PTPRN2: variants seen among roughly 807,000 people sequenced by gnomAD.
PTPRN2 encodes the protein protein tyrosine phosphatase receptor type N2, also known as receptor-type tyrosine-protein phosphatase N2.
A neutral mutation model predicts 118.8 loss-of-function variants in PTPRN2; 74 were observed. The observed-to-expected ratio is 0.62, with a 90% CI of 0.52 to 0.76. The LOEUF (loss-of-function observed/expected upper bound fraction) is 0.76. PTPRN2 is among the 30% of genes least tolerant of loss of function. PTPRN2 has a pLI of 0.00. For synonymous variants in PTPRN2, 641 were observed against 608.0 expected, an observed-to-expected ratio of 1.05 and a Z score of -0.80; for missense variants, 1,481 against 1,394.4, an observed-to-expected ratio of 1.06 and a Z score of -0.99.
intron 6 of PTPRN2, among the ~76,000 whole-genome samples, chr7:158,159,147 A>G (rs1822130200): frequency 8.0e-6 from 1 of 125,454 alleles, no homozygotes; most frequent in Middle Eastern, 3.7e-3. Flanking sequence ...TTCTGAATGA[A>G]TGAGTGAACT....
chr7:157,661,063 G>T (rs1349270355), intron 13 of PTPRN2, among the ~76,000 whole-genome samples: 2 of 152,248 alleles, frequency 1.3e-5, no homozygotes, highest in African/African-American at 4.8e-5. Context: ...CAAAGTCGCA[G>T]AATTTAGAGC....
chr7:158,366,712 C>T (rs889934861), intron 2 of PTPRN2, among the ~76,000 whole-genome samples: 3 of 152,118 alleles, frequency 2.0e-5, no homozygotes, highest in South Asian at 4.1e-4. Context: ...AGGACATTTT[C>T]AATTTCTGAA....
chr7:157,951,203 G>C (rs754701373), intron 11 of PTPRN2, among the ~76,000 whole-genome samples: 1 of 152,024 alleles, frequency 6.6e-6, no homozygotes. Context: ...ACTCTAATAC[G>C]GTTCAGAGAA....
At chr7:157,957,093 C>T (rs1263451186) in intron 11 of PTPRN2, among the ~76,000 whole-genome samples, 3 of 152,208 alleles carry the variant, frequency 2.0e-5, no homozygotes, top group Non-Finnish European at 4.4e-5. Flanking sequence ...ACCTCCATGG[C>T]TCAGAGAGGT....
intron 15 of PTPRN2, 103 bp downstream of exon 15, chr7:157,621,259 C>T (rs75517714): frequency 0.028 from 13,585 of 478,878 alleles, 107 homozygotes; most frequent in Non-Finnish European, 0.033. Flanking sequence ...TTCCTCCGCC[C>T]GGAACCCTGG....
intron 5 of PTPRN2, among the ~76,000 whole-genome samples, chr7:158,188,333 T>C (rs369142916): frequency 8.9e-4 from 21 of 23,624 alleles, no homozygotes; most frequent in East Asian, 1.4e-3. Flanking sequence ...GCTCGCCCCC[T>C]GATGGGGAAG....
chr7:157,738,458 C>T (rs1253266463), intron 12 of PTPRN2, among the ~76,000 whole-genome samples: 3 of 152,188 alleles, frequency 2.0e-5, no homozygotes, highest in Non-Finnish European at 4.4e-5. Context: ...CCTCTGGAGG[C>T]TCCTCTCTGA....
chr7:158,243,885 A>G (rs1169206350), intron 3 of PTPRN2, among the ~76,000 whole-genome samples: 2 of 152,150 alleles, frequency 1.3e-5, no homozygotes, highest in Admixed American at 6.5e-5. Flanking sequence ...ACAAAGTACT[A>G]TTAATGATAA....
intron 2 of PTPRN2, among the ~76,000 whole-genome samples, chr7:158,410,113 G>A (rs1375714278): frequency 4.6e-5 from 7 of 152,250 alleles, no homozygotes; most frequent in African/African-American, 1.7e-4. Context: ...GACCTCCACA[G>A]TCTCTGGCCA....
chr7:158,126,841 C>G (rs1046705016), intron 9 of PTPRN2, among the ~76,000 whole-genome samples: 1 of 152,188 alleles, frequency 6.6e-6, no homozygotes, highest in Admixed American at 6.5e-5. Flanking sequence ...GAGACCGAAG[C>G]CCCCACCTCC....
chr7:158,582,047 G>GA (rs1449483214), intron 1 of PTPRN2, among the ~76,000 whole-genome samples: 1 of 152,076 alleles, frequency 6.6e-6, no homozygotes, highest in Admixed American at 6.5e-5. Flanking sequence ...GGAATTAAAA[G>GA]AAAAAAATGC....
At chr7:158,119,877 G>T (rs1817016273) in intron 9 of PTPRN2, among the ~76,000 whole-genome samples, 1 of 152,104 alleles carries the variant, frequency 6.6e-6, no homozygotes, top group South Asian at 2.1e-4. Context: ...ATTGAAAACA[G>T]GGTCTCAAAG....
intron 12 of PTPRN2, among the ~76,000 whole-genome samples, chr7:157,810,137 C>A (rs1207091516): frequency 6.6e-6 from 1 of 152,258 alleles, no homozygotes; most frequent in Non-Finnish European, 1.5e-5. Context: ...TTCTGCGGAG[C>A]CATGTGAGGG....
chr7:157,956,533 G>A (rs1243290489), intron 11 of PTPRN2, among the ~76,000 whole-genome samples: 1 of 152,256 alleles, frequency 6.6e-6, no homozygotes, highest in Non-Finnish European at 1.5e-5. Flanking sequence ...GCTATCCCTA[G>A]CCCTCTTTGG....
At chr7:157,851,446 C>T (rs761286893) in intron 12 of PTPRN2, among the ~76,000 whole-genome samples, 3 of 152,222 alleles carry the variant, frequency 2.0e-5, no homozygotes, top group Non-Finnish European at 4.4e-5. Flanking sequence ...CCCTCCCTGT[C>T]ATCTCCTGGT....
intron 11 of PTPRN2, among the ~76,000 whole-genome samples, chr7:158,074,045 G>T (rs547703625): frequency 6.6e-6 from 1 of 152,202 alleles, no homozygotes; most frequent in Non-Finnish European, 1.5e-5. Context: ...CCATCCTGCC[G>T]TCCTCCCGTC....
intron 3 of PTPRN2, among the ~76,000 whole-genome samples, chr7:158,259,855 T>C (rs1269959178): frequency 1.3e-5 from 2 of 150,326 alleles, no homozygotes; most frequent in Non-Finnish European, 2.9e-5. Context: ...TGTCCATGTG[T>C]CCCTGGTGTA....
Position 157,610,191 on chromosome 7 carries a change from C to G in PTPRN2, c.2345-6116G>C, listed in dbSNP as rs1802248409. 1.3e-5 allele frequency among the ~76,000 whole-genome samples: 2 copies of G among 152,202 alleles called. No homozygotes were observed. Among genetic ancestry groups the G allele is most frequent in the African/African-American group, 4.8e-5 (2 of 41,452 alleles). On this transcript the variant is annotated intron_variant, in intron 15 of 22. Coordinates refer to ENST00000389418, the MANE Select transcript of PTPRN2 (RefSeq NM_002847.5). The surrounding 1 kb of genome is among the most constrained non-coding windows in gnomAD (Gnocchi z 5.1). ...CTGTTTGGAGGATGCGTGAGGCCAT[C>G]TGTGAAGCCACTGCTGAGTCCAGGG...
In PTPRN2 at chr7:158,306,437, C is replaced by T. The variant is rs941047147; in HGVS notation, c.277+10382G>A. Among the ~76,000 whole-genome samples the T allele has an allele frequency of 3.3e-5, 5 of 152,230 alleles. No homozygotes were observed. In the East Asian group the frequency reaches 9.6e-4, roughly 29 times the overall value. Reference sequence around the variant, plus strand: ...AGGCTACAACAGAGCTGTGAACTGCCTGTCTGATGGCTGAAGGTATGCCCC... The same window carrying T: ...AGGCTACAACAGAGCTGTGAACTGCTTGTCTGATGGCTGAAGGTATGCCCC... On this transcript the variant is annotated intron_variant, in intron 3 of 22. Coordinates refer to ENST00000389418, the MANE Select transcript of PTPRN2 (RefSeq NM_002847.5).
Sources: allele counts gnomAD v4.1 joint callset (sites outside exome capture counted in the v4.1 genomes callset), GRCh38; gene constraint gnomAD v4.1.1; non-coding constraint Gnocchi (gnomAD v3.1); transcripts MANE v1.5; gene names NCBI Gene and HGNC (gene_info 2026-07-23, HGNC 2026-07-21).